Variants in CNBD1 observed in about 807,000 individuals in gnomAD.
The protein encoded by CNBD1 is cyclic nucleotide binding domain containing 1.
CNBD1 carries 71 observed loss-of-function variants against 54.4 expected under a neutral mutation model. The observed-to-expected ratio is 1.30, with a 90% confidence interval of 1.08 to 1.59. CNBD1 has a LOEUF of 1.59. CNBD1 is among the 40% of genes most tolerant of loss of function. CNBD1 has a pLI of 0.00. For missense variants in CNBD1, 659 were observed against 518.0 expected, an observed-to-expected ratio of 1.27 and a Z score of -2.64; for synonymous variants, 182 against 170.7, an observed-to-expected ratio of 1.07 and a Z score of -0.51.
At chr8:86,922,520 A>G (rs1217283386) in intron 3 of CNBD1, among the ~76,000 whole-genome samples, 2 of 152,248 alleles carry the variant, frequency 1.3e-5, no homozygotes, top group South Asian at 2.1e-4. Flanking sequence ...CCCCTCTACC[A>G]TGACATAAAA....
chr8:87,164,751 C>G (rs1812927106), intron 4 of CNBD1, among the ~76,000 whole-genome samples: 1 of 151,038 alleles, frequency 6.6e-6, no homozygotes, highest in Non-Finnish European at 1.5e-5. Flanking sequence ...TTGCTTTTTT[C>G]TGTTGTTTTG....
intron 9 of CNBD1, among the ~76,000 whole-genome samples, chr8:87,353,205 G>T (rs186349540): frequency 1.3e-5 from 2 of 152,144 alleles, no homozygotes; most frequent in East Asian, 1.9e-4. Context: ...TAATACCATC[G>T]GTTCTGGCCC....
intron 4 of CNBD1, among the ~76,000 whole-genome samples, chr8:87,173,172 A>G (rs774268838): frequency 6.6e-6 from 1 of 152,192 alleles, no homozygotes; most frequent in African/African-American, 2.4e-5. Flanking sequence ...AGTAAAAAAC[A>G]CTACACTTAT....
chr8:87,123,380 AAT>A (rs1345654631), intron 4 of CNBD1, among the ~76,000 whole-genome samples: 1 of 151,764 alleles, frequency 6.6e-6, no homozygotes, highest in African/African-American at 2.4e-5. Context: ...AAAATACACA[AAT>A]ATGTGGAAAT....
In CNBD1 at chr8:87,160,316, T is replaced by C. The variant is rs189904722; in HGVS notation, c.432-45677T>C. ...GTCACAGGTATAGATTATTAAAAAA[T>C]AATAAAGCTTTTATCTGCTTTTTAC... is the stretch of plus-strand genomic sequence containing the variant. On this transcript the variant is annotated intron_variant, in intron 4 of 10. Transcript: ENST00000518476. Among the ~76,000 whole-genome samples, 152 of 152,146 alleles carry C rather than the reference T, an allele frequency of 1.0e-3. 2 individuals carry two copies. Among genetic ancestry groups the C allele is most frequent in the Admixed American group, 6.7e-3 (103 of 15,272 alleles).
rs138669985 is a variant in CNBD1, at chr8:87,382,790, A to C, written c.*163A>C. The C allele has an allele frequency of 4.2e-3, 1,912 of 456,746 alleles. 30 individuals are homozygous for C. Among genetic ancestry groups the C allele is most frequent in the African/African-American group, 0.033 (1,665 of 50,872 alleles). 28.3% of individuals were successfully genotyped at this position (456,746 alleles called of 1,614,324 possible). On this transcript the variant is annotated 3_prime_UTR_variant, in exon 11 of 11. Coordinates refer to ENST00000518476, the MANE Select transcript of CNBD1 (RefSeq NM_173538.3). ...GTCCCACTTTCGAATTGCCTTTCAAACACAGTTTTTATTAGCAGTCTTTCT... is the reference window on the plus strand; with the variant it reads ...GTCCCACTTTCGAATTGCCTTTCAACCACAGTTTTTATTAGCAGTCTTTCT...
At chr8:87,058,122 G>A (rs576614283) in intron 4 of CNBD1, among the ~76,000 whole-genome samples, 1 of 152,064 alleles carries the variant, frequency 6.6e-6, no homozygotes, top group Non-Finnish European at 1.5e-5. Flanking sequence ...TGCAAGTCCA[G>A]AATCCAAATA....
chr8:87,300,719 C>A (rs1024882909), intron 8 of CNBD1, among the ~76,000 whole-genome samples: 2 of 151,870 alleles, frequency 1.3e-5, no homozygotes, highest in Admixed American at 1.3e-4. Context: ...CACACATATA[C>A]ACACACATTC....
chr8:87,080,117 C>G (rs1810958957), intron 4 of CNBD1, among the ~76,000 whole-genome samples: 2 of 152,146 alleles, frequency 1.3e-5, no homozygotes, highest in Non-Finnish European at 2.9e-5. Context: ...ATCAATTGAG[C>G]CTACATTTCT....
intron 4 of CNBD1, among the ~76,000 whole-genome samples, chr8:87,020,680 A>T (rs1022642532): frequency 6.8e-6 from 1 of 147,538 alleles, no homozygotes; most frequent in Non-Finnish European, 1.5e-5. Flanking sequence ...GGGAAAAAAA[A>T]TGTTTAACCC....
At chr8:87,337,550 C>T (rs899839108) in intron 8 of CNBD1, among the ~76,000 whole-genome samples, 1 of 152,230 alleles carries the variant, frequency 6.6e-6, no homozygotes, top group African/African-American at 2.4e-5. Flanking sequence ...AGCTGAGTGG[C>T]TGTTGAGAAT....
intron 8 of CNBD1, among the ~76,000 whole-genome samples, chr8:87,351,305 GGTTT>G (rs1810286638): frequency 6.6e-6 from 1 of 151,990 alleles, no homozygotes; most frequent in African/African-American, 2.4e-5. Flanking sequence ...CAATATTGTG[GGTTT>G]GTTATTAAAC....
At chr8:86,875,026 T>TATATATA (rs1387332747) in intron 1 of CNBD1, among the ~76,000 whole-genome samples, 17 of 110,826 alleles carry the variant, frequency 1.5e-4, no homozygotes, top group African/African-American at 5.7e-4. Flanking sequence ...ATATATGTAT[T>TATATATA]AAAAATTGTG....
At chr8:87,014,478 A>G (rs1809311037) in intron 4 of CNBD1, among the ~76,000 whole-genome samples, 1 of 152,134 alleles carries the variant, frequency 6.6e-6, no homozygotes, top group African/African-American at 2.4e-5. Context: ...AAAACTAACC[A>G]TAAGCTTTAT....
At chr8:87,356,942 C>T (rs9656785) in intron 10 of CNBD1, among the ~76,000 whole-genome samples, 56,471 of 151,968 alleles carry the variant, frequency 0.37, 10,827 homozygotes, top group Middle Eastern at 0.45. Flanking sequence ...CACCTCAGGA[C>T]GCTGCTCTCA....
At position 87,229,891 on chromosome 8, in the gene CNBD1, C is replaced by G. The variant is rs75982225; in HGVS notation, c.578-7028C>G. ...AAATAATTGAGGGTCAATTTCTGAACTCTCTTACAAATAATGTATTAGTCC... is the reference window on the plus strand; with the variant it reads ...AAATAATTGAGGGTCAATTTCTGAAGTCTCTTACAAATAATGTATTAGTCC... On this transcript the variant is annotated intron_variant, in intron 5 of 10. Transcript: ENST00000518476. 8.3e-3 allele frequency among the ~76,000 whole-genome samples: 1,265 copies of G among 152,244 alleles called. 28 individuals carry two copies. The highest frequency in any genetic ancestry group is 0.024 in the African/African-American group (996 of 41,528).
At chr8:87,012,853 A>C (rs1396744443) in intron 4 of CNBD1, among the ~76,000 whole-genome samples, 1 of 152,190 alleles carries the variant, frequency 6.6e-6, no homozygotes, top group East Asian at 1.9e-4. Flanking sequence ...GTATTTCTTA[A>C]ATGTATTTGA....
chr8:87,404,863 G>A (rs113122204), intron 2 of CNBD1, among the ~76,000 whole-genome samples: 1,824 of 152,004 alleles, frequency 0.012, 39 homozygotes, highest in African/African-American at 0.039. Context: ...TTTCTGAAAT[G>A]TGATGGAGCT....
intron 4 of CNBD1, among the ~76,000 whole-genome samples, chr8:87,105,294 A>G (rs903532128): frequency 1.4e-4 from 22 of 152,216 alleles, no homozygotes; most frequent in African/African-American, 5.1e-4. Flanking sequence ...TATTTCAAAT[A>G]GTCATGTGAA....
Sources: allele counts gnomAD v4.1 joint callset (sites outside exome capture counted in the v4.1 genomes callset), GRCh38; gene constraint gnomAD v4.1.1; transcripts MANE v1.5; gene names NCBI Gene and HGNC (gene_info 2026-07-23, HGNC 2026-07-21).